NRG4: variants seen among roughly 807,000 people sequenced by gnomAD.
The protein encoded by NRG4 is neuregulin 4.
Under a neutral mutation model 15.0 loss-of-function variants are expected in NRG4, and 10 were observed. The observed-to-expected ratio is 0.67, with a 90% CI of 0.41 to 1.13. The LOEUF (loss-of-function observed/expected upper bound fraction) is 1.13. NRG4 is among the 50% of genes most tolerant of loss of function. The pLI is 0.00. For missense variants in NRG4, 139 were observed against 140.2 expected (o/e 0.99, Z 0.04); for synonymous variants, 41 against 50.1 (o/e 0.82, Z 0.77).
At chr15:76,055,988 C>T (rs1239129750) in intron 2 of NRG4, among the ~76,000 whole-genome samples, 2 of 152,182 alleles carry the variant, frequency 1.3e-5, no homozygotes, top group Non-Finnish European at 2.9e-5. Context: ...GGGCTTGCTG[C>T]ATTAAGTATT....
At chr15:75,979,901 T>C (rs2033534995) in intron 3 of NRG4, among the ~76,000 whole-genome samples, 1 of 152,204 alleles carries the variant, frequency 6.6e-6, no homozygotes, top group African/African-American at 2.4e-5. Context: ...CTGCAAATGG[T>C]AACTGAACCT....
chr15:75,938,886 A>C (rs2141739926), downstream of NRG4: 1 of 152,328 alleles, frequency 6.6e-6, no homozygotes, highest in African/African-American at 2.4e-5. Context: ...CCAATGGGTC[A>C]AAGAAGAAAT....
intron 5 of NRG4, among the ~76,000 whole-genome samples, chr15:75,945,291 TCA>T (rs2031427911): frequency 6.6e-6 from 1 of 150,922 alleles, no homozygotes; most frequent in African/African-American, 2.4e-5. Flanking sequence ...TTGTGGAATC[TCA>T]CTTTGTCACC....
At chr15:76,006,272 G>A (rs1859716615) in intron 3 of NRG4, among the ~76,000 whole-genome samples, 1 of 152,172 alleles carries the variant, frequency 6.6e-6, no homozygotes, top group African/African-American at 2.4e-5. Context: ...TGGTTGAGAT[G>A]TCATAATAGA....
intron 4 of NRG4, chr15:76,051,938 C>A (rs899054955): frequency 6.6e-6 from 1 of 150,904 alleles, no homozygotes; most frequent in Non-Finnish European, 1.5e-5. Context: ...TTAAAAATTA[C>A]GGAATTTTCC....
At chr15:76,050,437 GTTTTTT>G (rs71444951) in intron 4 of NRG4, among the ~76,000 whole-genome samples, 19 of 91,876 alleles carry the variant, frequency 2.1e-4, no homozygotes, top group Admixed American at 1.1e-3. Flanking sequence ...CCGAGCCTTC[GTTTTTT>G]TTTTTTTTTT....
At chr15:75,968,251 C>T (rs1469257886) in intron 3 of NRG4, among the ~76,000 whole-genome samples, 2 of 151,920 alleles carry the variant, frequency 1.3e-5, no homozygotes, top group Non-Finnish European at 2.9e-5. Context: ...ACTTTGCTGG[C>T]CTCAAAAAAC....
At chr15:75,973,796 G>A (rs2033228369) in intron 3 of NRG4, among the ~76,000 whole-genome samples, 1 of 152,100 alleles carries the variant, frequency 6.6e-6, no homozygotes, top group Admixed American at 6.5e-5. Flanking sequence ...TTTTCATATC[G>A]ATGTTCATCA....
chr15:75,988,279 G>A (rs534386795), intron 3 of NRG4, among the ~76,000 whole-genome samples: 3 of 152,196 alleles, frequency 2.0e-5, no homozygotes, highest in Admixed American at 6.5e-5. Flanking sequence ...TCCACCTCCC[G>A]GGTTCAAGTG....
chr15:76,047,755 G>C (rs2141960997), intron 4 of NRG4, among the ~76,000 whole-genome samples: 1 of 151,204 alleles, frequency 6.6e-6, no homozygotes, highest in East Asian at 1.9e-4. Context: ...AAAAAAAATA[G>C]TGTATAGTTG....
chr15:76,014,634 G>C (rs2034920183), upstream of NRG4, among the ~76,000 whole-genome samples: 1 of 152,136 alleles, frequency 6.6e-6, no homozygotes, highest in South Asian at 2.1e-4. Flanking sequence ...TGTCAGGTTT[G>C]TCAAAGATCA....
intron 3 of NRG4, among the ~76,000 whole-genome samples, chr15:75,979,404 G>C (rs1175570591): frequency 6.6e-6 from 1 of 151,902 alleles, no homozygotes; most frequent in African/African-American, 2.4e-5. Context: ...TCTGTAGTTG[G>C]GCTGTTTTAA....
chr15:75,946,222 T>C (rs1011200749), intron 5 of NRG4, among the ~76,000 whole-genome samples: 1 of 152,230 alleles, frequency 6.6e-6, no homozygotes. Context: ...TCTGGAACTT[T>C]CCGTTTATAT....
At chr15:75,979,490 A>T (rs937360865) in intron 3 of NRG4, among the ~76,000 whole-genome samples, 9 of 152,154 alleles carry the variant, frequency 5.9e-5, no homozygotes, top group Non-Finnish European at 1.0e-4. Flanking sequence ...GCCCCCTTTA[A>T]TTATTATTTG....
intron 5 of NRG4, among the ~76,000 whole-genome samples, chr15:76,022,591 G>A (rs954286452): frequency 2.6e-5 from 4 of 152,178 alleles, no homozygotes; most frequent in Admixed American, 6.5e-5. Flanking sequence ...AAGATCTAAT[G>A]TATTCAAATA....
rs1374460954 is a variant in NRG4, at chr15:75,941,988, T to C, written c.*1650A>G. On this transcript the variant is annotated 3_prime_UTR_variant, in exon 6 of 6. Transcript: ENST00000394907. ...ATGGCCTAGCTTTTTTTTTTTTTTT[T>C]AAAAAGGGCAGGGGGTGGGGTATTT... The C allele has an allele frequency of 2.0e-5, 3 of 146,612 alleles. No individual in the cohort carries two copies. Among genetic ancestry groups the C allele is most frequent in the Non-Finnish European group, 3.0e-5 (2 of 66,644 alleles). 9.1% of individuals were successfully genotyped at this position (146,612 alleles called of 1,614,324 possible). A position where few individuals can be genotyped will look rare whatever the true frequency, so the allele number is the denominator to read the frequency against.
upstream of NRG4, among the ~76,000 whole-genome samples, chr15:76,015,924 C>T (rs558276735): frequency 3.6e-4 from 55 of 152,240 alleles, no homozygotes; most frequent in Middle Eastern, 6.8e-3. Context: ...AGGAATGGTA[C>T]CAGGTCCTCT....
chr15:76,003,016 C>A (rs150206578), intron 3 of NRG4, among the ~76,000 whole-genome samples: 1 of 152,146 alleles, frequency 6.6e-6, no homozygotes, highest in East Asian at 1.9e-4. Flanking sequence ...ATCAACTGCT[C>A]CTTTTCAAAT....
Position 75,989,352 on chromosome 15 carries a change from A to T in NRG4, c.104+19848T>A, listed in dbSNP as rs117355006. Reference sequence around the variant, plus strand: ...TTTCATGTAGCGTGGCCTACCGATGAATGCTCTCAGTCACTGCTTGTCTGT... The same window carrying T: ...TTTCATGTAGCGTGGCCTACCGATGTATGCTCTCAGTCACTGCTTGTCTGT... On this transcript the variant is annotated intron_variant, in intron 3 of 5. Transcript: ENST00000394907. Among the ~76,000 whole-genome samples, 728 of 152,162 alleles carry T rather than the reference A, an allele frequency of 4.8e-3. 7 individuals are homozygous for T. The highest frequency in any genetic ancestry group is 7.9e-3 in the Non-Finnish European group (535 of 67,978).
Sources: gnomAD v4.1 joint callset for allele counts (sites outside exome capture counted in the v4.1 genomes callset) on GRCh38, gnomAD v4.1.1 for gene constraint, MANE v1.5 for transcripts, NCBI Gene and HGNC (gene_info 2026-07-23, HGNC 2026-07-21) for gene names.